Variants in NRG3 observed in about 807,000 individuals in gnomAD.
NRG3 encodes the protein pro-neuregulin-3, membrane-bound isoform.
Under a neutral mutation model 66.9 loss-of-function variants are expected in NRG3, and 31 were observed. That is an observed-to-expected ratio of 0.46 (90% CI 0.35 to 0.63). The LOEUF is 0.63. Among genes scored for constraint, NRG3 ranks in the 20% least tolerant of loss-of-function variants. NRG3 has a pLI of 0.00. For synonymous variants in NRG3, 393 were observed against 359.4 expected, an observed-to-expected ratio of 1.09 and a Z score of -1.06; for missense variants, 910 against 878.9, an observed-to-expected ratio of 1.04 and a Z score of -0.45.
rs201777601 is a variant in NRG3 at position 82,362,548 on chromosome 10, G to T, written c.953+3680G>T. ...ACCACCATGCCCAGATAATTTCTGG[G>T]TTTTTTTTTTTTTTTTTTTTTCGTA... On this transcript the variant is annotated intron_variant, in intron 2 of 8. Coordinates refer to ENST00000372141, the MANE Select transcript of NRG3 (RefSeq NM_001010848.4). 5.2e-3 allele frequency among the ~76,000 whole-genome samples: 429 copies of T among 83,090 alleles called. 22 individuals are homozygous for T. Among genetic ancestry groups the T allele is most frequent in the South Asian group, 0.012 (25 of 2,104 alleles). The allele number at this position is 83,090 out of a possible 152,430, so 54.5% of individuals were successfully genotyped here. A position where few individuals can be genotyped will look rare whatever the true frequency, so the allele number is the denominator to read the frequency against.
chr10:82,204,092 T>G (rs983587333), intron 1 of NRG3, among the ~76,000 whole-genome samples: 1 of 152,244 alleles, frequency 6.6e-6, no homozygotes, highest in Non-Finnish European at 1.5e-5. Context: ...TAAAGTTGAC[T>G]GTACAATTTA....
Position 82,985,701 on chromosome 10 carries a change from C to A in NRG3, c.*96C>A. 7.4e-7 allele frequency: 1 copy of A among 1,359,716 alleles called. No homozygotes were observed. The highest frequency in any genetic ancestry group is 1.0e-6 in the Non-Finnish European group (1 of 1,002,626). The allele number at this position is 1,359,716 out of a possible 1,614,324, so 84.2% of individuals were successfully genotyped here. On this transcript the variant is annotated 3_prime_UTR_variant, in exon 9 of 9. Transcript: ENST00000372141. ...TTTATATGCATTAATTTAAGAGCATCTACTTAGAAGAAACCAAATAGTCTA... is the reference window on the plus strand; with the variant it reads ...TTTATATGCATTAATTTAAGAGCATATACTTAGAAGAAACCAAATAGTCTA...
intron 2 of NRG3, among the ~76,000 whole-genome samples, chr10:82,519,675 A>T (rs1846011921): frequency 6.6e-6 from 1 of 152,158 alleles, no homozygotes. Context: ...TGCTTAACAC[A>T]ATCCTCCTGC....
At chr10:82,716,147 T>A (rs1028126012) in intron 2 of NRG3, among the ~76,000 whole-genome samples, 1 of 152,158 alleles carries the variant, frequency 6.6e-6, no homozygotes, top group Non-Finnish European at 1.5e-5. Flanking sequence ...GAAATAATTT[T>A]AAAAACCCGA....
intron 1 of NRG3, among the ~76,000 whole-genome samples, chr10:82,100,565 A>G (rs960431038): frequency 2.0e-5 from 3 of 152,058 alleles, no homozygotes; most frequent in African/African-American, 4.8e-5. Context: ...GGAAGTTCCC[A>G]TCTATTTTAG....
intron 2 of NRG3, among the ~76,000 whole-genome samples, chr10:82,558,089 G>A (rs1283429042): frequency 6.6e-6 from 1 of 152,186 alleles, no homozygotes; most frequent in Non-Finnish European, 1.5e-5. Context: ...TCTAACAAAG[G>A]AGTAGAAACA....
intron 3 of NRG3, among the ~76,000 whole-genome samples, chr10:82,837,011 C>T (rs1040758718): frequency 3.3e-5 from 5 of 151,988 alleles, no homozygotes; most frequent in East Asian, 1.9e-4. Context: ...TTTGTCCTTG[C>T]GATAGTTTGC....
chr10:82,738,627 C>T lies in NRG3; in HGVS notation c.1004C>T (p.Thr335Ile). 1 of 1,614,160 alleles carries T rather than the reference C, an allele frequency of 6.2e-7. No individual in the cohort carries two copies. ...CGTTGTGATCAATTTCTGCCGAAAA[C>T]TGATTCCATCTTATCGGATCCAAGT... The part of the protein sequence containing the change: ...GVRCDQFLPK[T>I]DSILSDPTDH... Residue 335 changes from threonine to isoleucine, a missense_variant, in exon 3 of 9, where the codon ACT becomes ATT. Thr to Ile is a moderately conservative substitution (Grantham distance 89). Transcript: ENST00000372141.
chr10:82,435,771 TTTC>T (rs2090098311), intron 2 of NRG3, among the ~76,000 whole-genome samples: 1 of 144,246 alleles, frequency 6.9e-6, no homozygotes, highest in Non-Finnish European at 1.5e-5. Flanking sequence ...GTGAGTTTCT[TTTC>T]TTTTCTTTTT....
chr10:82,621,055 T>A (rs116251954), intron 2 of NRG3, among the ~76,000 whole-genome samples: 1,875 of 152,278 alleles, frequency 0.012, 38 homozygotes, highest in African/African-American at 0.042. Context: ...CTGAGCTTAA[T>A]TAATTGCCCA....
At chr10:82,035,088 C>A (rs2062740100) in intron 1 of NRG3, among the ~76,000 whole-genome samples, 1 of 152,038 alleles carries the variant, frequency 6.6e-6, no homozygotes, top group African/African-American at 2.4e-5. Context: ...TACCAAGCTG[C>A]CCTGTAGTTC....
intron 4 of NRG3, among the ~76,000 whole-genome samples, chr10:82,945,847 G>A (rs1848969924): frequency 6.6e-6 from 1 of 152,152 alleles, no homozygotes; most frequent in African/African-American, 2.4e-5. Flanking sequence ...TGGAGAAGCT[G>A]GGTACAGAGT....
At chr10:82,511,996 C>T (rs899178628) in intron 2 of NRG3, among the ~76,000 whole-genome samples, 40 of 152,000 alleles carry the variant, frequency 2.6e-4, no homozygotes, top group Admixed American at 5.2e-4. Context: ...ATTTTTAAGA[C>T]CAGAAAAAGC....
At chr10:82,475,990 A>G (rs1318672336) in intron 2 of NRG3, among the ~76,000 whole-genome samples, 1 of 152,188 alleles carries the variant, frequency 6.6e-6, no homozygotes, top group Admixed American at 6.5e-5. Flanking sequence ...CAACTTGACA[A>G]TTAAAAAACA....
Position 82,200,930 on chromosome 10 carries a change from G to A in NRG3, c.824-157809G>A, listed in dbSNP as rs187760454. Among the ~76,000 whole-genome samples the A allele has an allele frequency of 3.3e-5, 5 of 152,196 alleles. No homozygotes were observed. In the East Asian group the frequency reaches 9.7e-4, roughly 29 times the overall value. ...AGAGACAGCTGGGCCGGGCACGTTG[G>A]CTCACACCTGTAATCCCAGCACTTT... On this transcript the variant is annotated intron_variant, in intron 1 of 8. Transcript: ENST00000372141.
chr10:82,605,321 C>G (rs1289125324), intron 2 of NRG3, among the ~76,000 whole-genome samples: 1 of 151,904 alleles, frequency 6.6e-6, no homozygotes, highest in Non-Finnish European at 1.5e-5. Context: ...ACTGCTTTTA[C>G]TGCATTATGA....
At chr10:82,023,922 T>C (rs2062175062) in intron 1 of NRG3, among the ~76,000 whole-genome samples, 2 of 152,064 alleles carry the variant, frequency 1.3e-5, no homozygotes, top group Non-Finnish European at 2.9e-5. Context: ...TTAAGTAGAA[T>C]TGTTATTGCT....
intron 2 of NRG3, among the ~76,000 whole-genome samples, chr10:82,656,573 T>C (rs1272898151): frequency 6.6e-6 from 1 of 152,110 alleles, no homozygotes; most frequent in Non-Finnish European, 1.5e-5. Context: ...CCCAAATCTT[T>C]AGTTCTCTAG....
chr10:82,074,678 T>TA (rs1162389321), intron 1 of NRG3, among the ~76,000 whole-genome samples: 10 of 151,916 alleles, frequency 6.6e-5, no homozygotes, highest in Non-Finnish European at 1.3e-4. Flanking sequence ...AACAAAGTTT[T>TA]AAAAAAAGAT....
Sources: allele counts gnomAD v4.1 joint callset (sites outside exome capture counted in the v4.1 genomes callset), GRCh38; gene constraint gnomAD v4.1.1; transcripts MANE v1.5; gene names NCBI Gene and HGNC (gene_info 2026-07-23, HGNC 2026-07-21).